Variants in TMCO4 observed in about 807,000 individuals in gnomAD.
TMCO4 encodes transmembrane and coiled-coil domain-containing protein 4.
Under a neutral mutation model 64.7 loss-of-function variants are expected in TMCO4, and 58 were observed. The ratio of observed to expected loss-of-function variants is 0.90; its 90% CI spans 0.73 to 1.12. The LOEUF (loss-of-function observed/expected upper bound fraction) is 1.12, where lower values mean the gene tolerates loss of function less well. TMCO4 is among the 50% of genes most tolerant of loss of function. The probability of loss-of-function intolerance (pLI) is 0.00; values close to 1 mark genes in which losing one functional copy is unlikely to be tolerated. For synonymous variants in TMCO4, 325 were observed against 346.1 expected, an observed-to-expected ratio of 0.94 and a Z score of 0.68; for missense variants, 780 against 825.9, an observed-to-expected ratio of 0.94 and a Z score of 0.68.
intron 13 of TMCO4, among the ~76,000 whole-genome samples, chr1:19,714,965 A>G (rs1449359375): frequency 1.3e-5 from 2 of 151,440 alleles, no homozygotes; most frequent in Non-Finnish European, 2.9e-5. Flanking sequence ...AAGTATGGCC[A>G]GGTGCAGTGG....
intron 10 of TMCO4, among the ~76,000 whole-genome samples, chr1:19,742,976 G>C (rs754843763): frequency 1.3e-5 from 2 of 152,234 alleles, no homozygotes; most frequent in Non-Finnish European, 2.9e-5. Flanking sequence ...CTAGAACCCG[G>C]GAGGCGGAGG....
intron 4 of TMCO4, among the ~76,000 whole-genome samples, chr1:19,776,765 C>T (rs964352321): frequency 7.2e-5 from 11 of 152,090 alleles, no homozygotes; most frequent in Non-Finnish European, 1.5e-4. Context: ...CGGTGGCTCA[C>T]GCCTGTAATC....
rs2095319401 is a variant in TMCO4, at chr1:19,709,380, T to C, written c.1265-8495A>G. On this transcript the variant is annotated intron_variant, in intron 13 of 15. Coordinates refer to ENST00000294543, the MANE Select transcript of TMCO4 (RefSeq NM_181719.7). ...CAGGGGGACTAAAGCTGGGTTTGTC[T>C]GAGAATAAAGCAACTGGTGGATACA... 1.2e-4 allele frequency among the ~76,000 whole-genome samples: 16 copies of C among 137,266 alleles called. No homozygotes were observed. In the Admixed American group the frequency reaches 1.2e-3, roughly 10 times the overall value. 90.1% of individuals were successfully genotyped at this position (137,266 alleles called of 152,430 possible).
In TMCO4 at chr1:19,713,252, G is replaced by GT. The variant is rs1375247512; in HGVS notation, c.1265-12368dup. 2.6e-5 allele frequency among the ~76,000 whole-genome samples: 4 copies of GT among 152,224 alleles called. No homozygotes were observed. The South Asian group carries it at 6.2e-4, about 24-fold the overall frequency. On this transcript the variant is annotated intron_variant, in intron 13 of 15. Coordinates refer to ENST00000294543, the MANE Select transcript of TMCO4 (RefSeq NM_181719.7). Reference sequence around the variant, plus strand: ...ACAGGCAGGGGTGGGAATTATGGCCGTTTTTTGCCATCAGTCTACCACAGA... The same window carrying GT: ...ACAGGCAGGGGTGGGAATTATGGCCGTTTTTTTGCCATCAGTCTACCACAGA...
At chr1:19,753,615 G>A (rs375280471) in intron 7 of TMCO4, among the ~76,000 whole-genome samples, 7 of 152,238 alleles carry the variant, frequency 4.6e-5, no homozygotes, top group Admixed American at 2.6e-4. Flanking sequence ...AGAAATTTAC[G>A]TATCATTCAA....
chr1:19,765,932 C>A (rs151283364), intron 6 of TMCO4, among the ~76,000 whole-genome samples: 54 of 152,340 alleles, frequency 3.5e-4, no homozygotes, highest in African/African-American at 1.3e-3. Context: ...CCCCATCAAT[C>A]TCTGTAGAAG....
intron 2 of TMCO4, among the ~76,000 whole-genome samples, chr1:19,796,731 T>A (rs905610748): frequency 6.6e-6 from 1 of 152,078 alleles, no homozygotes; most frequent in Non-Finnish European, 1.5e-5. Flanking sequence ...CATGCCACCA[T>A]GCCCAGCTAA....
Position 19,787,124 on chromosome 1 carries a change from G to A in TMCO4, c.-100-7C>T, listed in dbSNP as rs1156977410. On this transcript the variant is annotated splice_region_variant and splice_polypyrimidine_tract_variant and intron_variant, in intron 2 of 15. Transcript: ENST00000294543. Reference sequence around the variant, plus strand: ...GAGAAATATGCAAATTGCCCTGCGGGAGAAAACCAGAAAAACCAGCCTGTG... The same window carrying A: ...GAGAAATATGCAAATTGCCCTGCGGAAGAAAACCAGAAAAACCAGCCTGTG... 1 of 152,324 alleles carries A rather than the reference G, an allele frequency of 6.6e-6. No individual in the cohort carries two copies. Among genetic ancestry groups the A allele is most frequent in the Non-Finnish European group, 1.5e-5 (1 of 68,052 alleles). The allele number at this position is 152,324 out of a possible 1,614,324, so 9.4% of individuals were successfully genotyped here.
At chr1:19,691,789 TTGTA>T (rs2095196891) in intron 15 of TMCO4, among the ~76,000 whole-genome samples, 1 of 152,218 alleles carries the variant, frequency 6.6e-6, no homozygotes, top group Non-Finnish European at 1.5e-5. Flanking sequence ...TCATCTTGAA[TTGTA>T]CTCTCATAAA....
At chr1:19,699,702 G>A (rs2095259298) in intron 14 of TMCO4, among the ~76,000 whole-genome samples, 1 of 151,960 alleles carries the variant, frequency 6.6e-6, no homozygotes, top group African/African-American at 2.4e-5. Flanking sequence ...GCCTACGTTT[G>A]GTGCTCACTG....
intron 12 of TMCO4, 72 bp from the exon 13 acceptor site, chr1:19,737,528 G>A (rs890969160): frequency 2.8e-6 from 4 of 1,419,162 alleles, no homozygotes; most frequent in Admixed American, 1.7e-5. Context: ...GCCTGAGGAG[G>A]GCAGCCTTTG....
At chr1:19,789,069 T>C (rs768180935) in intron 2 of TMCO4, among the ~76,000 whole-genome samples, 5 of 147,368 alleles carry the variant, frequency 3.4e-5, no homozygotes, top group Non-Finnish European at 7.4e-5. Flanking sequence ...AGTGAGACTC[T>C]GTCTCACAAA....
intron 13 of TMCO4, among the ~76,000 whole-genome samples, chr1:19,707,350 C>T (rs965886858): frequency 6.6e-5 from 10 of 152,310 alleles, no homozygotes; most frequent in South Asian, 2.1e-4. Flanking sequence ...CAGCTGGGCA[C>T]GGTGGCTCAC....
At chr1:19,789,610 A>C (rs947195268) in intron 2 of TMCO4, among the ~76,000 whole-genome samples, 1 of 152,102 alleles carries the variant, frequency 6.6e-6, no homozygotes, top group African/African-American at 2.4e-5. Flanking sequence ...GTAGAAAAAA[A>C]CCCTTTTAAT....
At chr1:19,685,053 A>G (rs2095135383) in intron 15 of TMCO4, among the ~76,000 whole-genome samples, 1 of 152,230 alleles carries the variant, frequency 6.6e-6, no homozygotes, top group Non-Finnish European at 1.5e-5. Flanking sequence ...GGCCAGGCAC[A>G]GTGTCTCACC....
intron 10 of TMCO4, among the ~76,000 whole-genome samples, chr1:19,744,313 C>G (rs538016090): frequency 3.9e-5 from 6 of 152,316 alleles, no homozygotes; most frequent in Admixed American, 6.5e-5. Flanking sequence ...CCAAAATATG[C>G]ATGTTCAAAT....
At chr1:19,785,144 C>G (rs189994381) in intron 3 of TMCO4, among the ~76,000 whole-genome samples, 66 of 151,890 alleles carry the variant, frequency 4.3e-4, no homozygotes, top group African/African-American at 1.6e-3. Flanking sequence ...CTTCCCTGAC[C>G]ATCACATCAT....
chr1:19,749,860 G>A (rs955764369), intron 7 of TMCO4, among the ~76,000 whole-genome samples: 1 of 152,202 alleles, frequency 6.6e-6, no homozygotes, highest in Non-Finnish European at 1.5e-5. Flanking sequence ...AATCCTGTAA[G>A]CTGCTGAGAC....
At chr1:19,736,575 C>G (rs559206117) in intron 13 of TMCO4, among the ~76,000 whole-genome samples, 1 of 152,242 alleles carries the variant, frequency 6.6e-6, no homozygotes, top group South Asian at 2.1e-4. Context: ...CCAAGTGCCC[C>G]AGGCTCGGCA....
Sources: allele counts gnomAD v4.1 joint callset (sites outside exome capture counted in the v4.1 genomes callset), GRCh38; gene constraint gnomAD v4.1.1; transcripts MANE v1.5; gene names NCBI Gene and HGNC (gene_info 2026-07-23, HGNC 2026-07-21).